Variants in TRANK1 observed in about 807,000 individuals in gnomAD.
The protein encoded by TRANK1 is tetratricopeptide repeat and ankyrin repeat containing 1.
Under a neutral mutation model 266.0 loss-of-function variants are expected in TRANK1, and 198 were observed. The observed-to-expected ratio is 0.74, with a 90% CI of 0.66 to 0.84. The LOEUF is 0.84. Among genes scored for constraint, TRANK1 ranks in the 40% least tolerant of loss-of-function variants. TRANK1 has a pLI of 0.00. For missense variants in TRANK1, 3,326 were observed against 3,634.6 expected (o/e 0.92, Z 2.18); for synonymous variants, 1,396 against 1,384.1 (o/e 1.01, Z -0.19).
chr3:36,852,249 C>T lies in TRANK1; in HGVS notation c.4646G>A (p.Gly1549Asp), dbSNP rs1006607141. ...RLPRDSGLFDGPKPTVLESCS... is the reference protein window; with the variant it reads ...RLPRDSGLFDDPKPTVLESCS... ...AGACTCCAGAACAGTTGGCTTAGGACCATCAAAGAGGCCAGAATCCCTTGG... is the reference window on the plus strand; with the variant it reads ...AGACTCCAGAACAGTTGGCTTAGGATCATCAAAGAGGCCAGAATCCCTTGG... The change falls in exon 14 of 24, where the codon GGT becomes GAT. Residue 1549 changes from glycine (G) to aspartate (D), a missense_variant. Coordinates refer to ENST00000645898, the MANE Select transcript of TRANK1 (RefSeq NM_001329998.2). 2 of 1,613,576 alleles carry T rather than the reference C, an allele frequency of 1.2e-6. No individual in the cohort carries two copies. The highest frequency in any genetic ancestry group is 1.7e-6 in the Non-Finnish European group (2 of 1,179,824).
chr3:36,850,702 C>G lies in TRANK1; in HGVS notation c.4887+1017G>C, dbSNP rs968443827. 5 of 976,594 alleles carry G rather than the reference C, an allele frequency of 5.1e-6. No homozygotes were observed. In the African/African-American group the frequency reaches 8.8e-5, roughly 17 times the overall value. The allele number at this position is 976,594 out of a possible 1,614,324, so 60.5% of individuals were successfully genotyped here. A position where few individuals can be genotyped will look rare whatever the true frequency, so the allele number is the denominator to read the frequency against. Reference sequence around the variant, plus strand: ...AGTGAGACAATGACTTCAAAAAGTACTCTGTAAACTGCAAAGCACCTATAT... The same window carrying G: ...AGTGAGACAATGACTTCAAAAAGTAGTCTGTAAACTGCAAAGCACCTATAT... On this transcript the variant is annotated intron_variant, in intron 15 of 23. Coordinates refer to ENST00000645898, the MANE Select transcript of TRANK1 (RefSeq NM_001329998.2).
intron 8 of TRANK1, among the ~76,000 whole-genome samples, chr3:36,874,564 C>A (rs979575231): frequency 6.6e-6 from 1 of 152,114 alleles, no homozygotes; most frequent in Non-Finnish European, 1.5e-5. Context: ...TGGTAACAAG[C>A]AAGGAGAGGG....
chr3:36,832,620 G>C lies in TRANK1; in HGVS notation c.6963C>G (p.Arg2321=), dbSNP rs749641022. 6.2e-7 allele frequency: 1 copy of C among 1,613,876 alleles called. No homozygotes were observed. Among genetic ancestry groups the C allele is most frequent in the Admixed American group, 1.7e-5 (1 of 60,014 alleles). ...ACAGGTCTGTGGATTCCCGGCGGTT[G>C]CGTGCGCTTTCATTTTCAAACAGAA... ...IHFLFENESA[R]NRRESTDLWL... The change falls in exon 22 of 24, where the codon CGC becomes CGG. Residue 2321 remains arginine (R), a synonymous_variant. Transcript: ENST00000645898.
At chr3:36,835,418 CA>C (rs1367077253) in intron 20 of TRANK1, among the ~76,000 whole-genome samples, 2 of 150,244 alleles carry the variant, frequency 1.3e-5, no homozygotes, top group African/African-American at 2.5e-5. Flanking sequence ...CCCAACCTCA[CA>C]GCACACACAG....
intron 1 of TRANK1, among the ~76,000 whole-genome samples, chr3:36,922,232 T>A (rs2080225883): frequency 6.6e-6 from 1 of 152,232 alleles, no homozygotes; most frequent in South Asian, 2.1e-4. Context: ...CTACTATTAC[T>A]ATTCTATCTG....
intron 11 of TRANK1, among the ~76,000 whole-genome samples, 175 bp from the exon 12 acceptor site, chr3:36,859,069 A>T (rs912988464): frequency 1.3e-5 from 2 of 152,158 alleles, no homozygotes; most frequent in African/African-American, 4.8e-5. Flanking sequence ...AGTAGCCACA[A>T]AGTGAAAGCC....
chr3:36,834,911 G>A lies in TRANK1; in HGVS notation c.5518-4C>T, dbSNP rs1575178948. ...AGAAATAGGCAGCATCTCTTATCTAGGATGGAGTAAATTTTACTTTTATTT... is the reference window on the plus strand; with the variant it reads ...AGAAATAGGCAGCATCTCTTATCTAAGATGGAGTAAATTTTACTTTTATTT... On this transcript the variant is annotated splice_polypyrimidine_tract_variant and splice_region_variant and intron_variant, in intron 20 of 23. Coordinates refer to ENST00000645898, the MANE Select transcript of TRANK1 (RefSeq NM_001329998.2). 4.4e-6 allele frequency: 7 copies of A among 1,596,354 alleles called. No individual in the cohort carries two copies. Among genetic ancestry groups the A allele is most frequent in the Non-Finnish European group, 6.0e-6 (7 of 1,174,052 alleles).
At chr3:36,941,352 C>T (rs2080493916) in intron 1 of TRANK1, among the ~76,000 whole-genome samples, 1 of 152,206 alleles carries the variant, frequency 6.6e-6, no homozygotes, top group African/African-American at 2.4e-5. Context: ...GGAGTCCCAC[C>T]AGCCCACCAG....
intron 2 of TRANK1, among the ~76,000 whole-genome samples, chr3:36,907,114 CT>C (rs2079980344): frequency 6.6e-6 from 1 of 152,106 alleles, no homozygotes; most frequent in Non-Finnish European, 1.5e-5. Context: ...GGAAAATATA[CT>C]TTAAAAATAC....
rs897809531 is a variant in TRANK1 at position 36,832,860 on chromosome 3, T to C, written c.6723A>G (p.Val2241=). The C allele has an allele frequency of 5.6e-6, 9 of 1,613,900 alleles. No individual in the cohort carries two copies. In the Admixed American group the frequency reaches 1.0e-4, roughly 18 times the overall value. Residue 2241 remains valine, a synonymous_variant, in exon 22 of 24, where the codon GTA becomes GTG. Transcript: ENST00000645898. The part of the protein sequence containing the change: ...INGLLLEAKK[V]FPKILAEELK... ...GTTCTTCTGCTAAGATTTTAGGGAA[T>C]ACTTTTTTGGCTTCCAAAAGCAACC...
chr3:36,931,857 T>C lies in TRANK1; in HGVS notation c.23+12930A>G, dbSNP rs192469392. 1.5e-3 allele frequency among the ~76,000 whole-genome samples: 228 copies of C among 152,284 alleles called. 1 individual carries two copies. Among genetic ancestry groups the C allele is most frequent in the Non-Finnish European group, 2.9e-3 (196 of 68,022 alleles). ...TAAGTTTAGGAGTTTGAGGTTACAG[T>C]GAGCTATGATTGCACCGCTGCACTG... On this transcript the variant is annotated intron_variant, in intron 1 of 23. Coordinates refer to ENST00000645898, the MANE Select transcript of TRANK1 (RefSeq NM_001329998.2).
chr3:36,858,509 A>G (rs187961087), intron 12 of TRANK1, among the ~76,000 whole-genome samples: 1 of 152,310 alleles, frequency 6.6e-6, no homozygotes, highest in Admixed American at 6.5e-5. Flanking sequence ...AGAATCCTCC[A>G]TCAACCCTCC....
intron 14 of TRANK1, 131 bp from the exon 15 acceptor site, chr3:36,851,987 A>C (rs1341205065): frequency 1.8e-5 from 25 of 1,399,300 alleles, no homozygotes; most frequent in Non-Finnish European, 2.3e-5. Context: ...AGGCCAGGGG[A>C]AAGATTGAAA....
At chr3:36,926,404 T>G (rs2080288786) in intron 1 of TRANK1, among the ~76,000 whole-genome samples, 1 of 152,134 alleles carries the variant, frequency 6.6e-6, no homozygotes. Context: ...ACAGAAGAAA[T>G]TGTTAAGCCC....
rs764095474 is a variant in TRANK1 at position 36,858,011 on chromosome 3, G to C, written c.1711C>G (p.Leu571Val). 1 of 1,586,834 alleles carries C rather than the reference G, an allele frequency of 6.3e-7. No homozygotes were observed. The highest frequency in any genetic ancestry group is 2.2e-5 in the East Asian group (1 of 44,692). ...AATTCAGTGGGGTTGGACCAAAACA[G>C]ATCCAACAGATGGCTGAGGAAGCTA... ...GFSFLSHLLDLFWSNPTEFDY... is the reference protein window; with the variant it reads ...GFSFLSHLLDVFWSNPTEFDY... The change falls in exon 13 of 24, where the codon CTG becomes GTG. Residue 571 changes from leucine to valine, a missense_variant. Coordinates refer to ENST00000645898, the MANE Select transcript of TRANK1 (RefSeq NM_001329998.2).
chr3:36,838,870 A>G (rs2078805700), intron 18 of TRANK1, among the ~76,000 whole-genome samples, 154 bp from the exon 19 acceptor site: 2 of 152,256 alleles, frequency 1.3e-5, no homozygotes, highest in African/African-American at 4.8e-5. Flanking sequence ...CAGATATTCT[A>G]AAGAAAGTAG....
intron 8 of TRANK1, chr3:36,880,532 A>C (rs2079515417): frequency 5.5e-6 from 1 of 182,276 alleles, no homozygotes; most frequent in Non-Finnish European, 1.2e-5. Context: ...TCTTCAGGTA[A>C]CCAAGCATTG....
intron 1 of TRANK1, among the ~76,000 whole-genome samples, chr3:36,930,725 C>T (rs976258374): frequency 6.6e-6 from 1 of 152,124 alleles, no homozygotes; most frequent in Admixed American, 6.5e-5. Flanking sequence ...ATTCCATTTA[C>T]ATGACATTCT....
intron 1 of TRANK1, among the ~76,000 whole-genome samples, chr3:36,937,764 C>T (rs894190604): frequency 3.3e-5 from 5 of 152,108 alleles, no homozygotes; most frequent in African/African-American, 1.2e-4. Flanking sequence ...CCTTCATGGC[C>T]CCCATTGTTT....
Sources: allele counts gnomAD v4.1 joint callset (sites outside exome capture counted in the v4.1 genomes callset), GRCh38; gene constraint gnomAD v4.1.1; transcripts MANE v1.5; gene names NCBI Gene and HGNC (gene_info 2026-07-23, HGNC 2026-07-21).